Variants in MAL observed in about 807,000 individuals in gnomAD.
MAL encodes mal, T cell differentiation protein (MAL blood group).
In MAL, 5 loss-of-function variants were observed where a neutral mutation model predicts 16.7. The ratio of observed to expected loss-of-function variants is 0.30; its 90% CI spans 0.16 to 0.63. The LOEUF is 0.63. Among genes scored for constraint, MAL ranks in the 30% least tolerant of loss-of-function variants. MAL has a pLI of 0.82. For missense variants in MAL, 202 were observed against 195.8 expected (o/e 1.03, Z -0.19); for synonymous variants, 96 against 85.5 (o/e 1.12, Z -0.67).
intron 1 of MAL, among the ~76,000 whole-genome samples, chr2:95,045,813 C>T (rs756375960): frequency 5.3e-5 from 8 of 152,142 alleles, no homozygotes; most frequent in Admixed American, 2.0e-4. Flanking sequence ...CGTCAGTGCC[C>T]GTTATGGAAA....
At position 95,053,683 on chromosome 2, in the gene MAL, C is replaced by T; in HGVS notation, c.*228C>T. 1 of 557,890 alleles carries T rather than the reference C, an allele frequency of 1.8e-6. No homozygotes were observed. The highest frequency in any genetic ancestry group is 3.2e-6 in the Non-Finnish European group (1 of 312,650). 34.6% of individuals were successfully genotyped at this position (557,890 alleles called of 1,614,324 possible). Reference sequence around the variant, plus strand: ...GGAGCTTGCTGTGTCTAACCTCCAACTGCTGTGCTGTCTGCTAGGGTCACC... The same window carrying T: ...GGAGCTTGCTGTGTCTAACCTCCAATTGCTGTGCTGTCTGCTAGGGTCACC... On this transcript the variant is annotated 3_prime_UTR_variant, in exon 4 of 4. Coordinates refer to ENST00000309988, the MANE Select transcript of MAL (RefSeq NM_002371.4).
chr2:95,047,829 C>T, intron 1 of MAL, 130 bp from the exon 2 acceptor site: 1 of 846,006 alleles, frequency 1.2e-6, no homozygotes, highest in Non-Finnish European at 1.8e-6. Context: ...AGGAAAATGC[C>T]TGCCCTGTTC....
chr2:95,034,471 G>A (rs750214775), intron 1 of MAL, among the ~76,000 whole-genome samples: 3 of 152,206 alleles, frequency 2.0e-5, no homozygotes, highest in South Asian at 2.1e-4. Context: ...ACATCTGCCC[G>A]CAGGCGTAGG....
intron 1 of MAL, among the ~76,000 whole-genome samples, chr2:95,046,205 G>A (rs1239022764): frequency 5.9e-5 from 9 of 152,210 alleles, no homozygotes; most frequent in African/African-American, 2.2e-4. Context: ...AGGGAGGTGG[G>A]GGGGTCAAGG....
chr2:95,049,566 C>G lies in MAL; in HGVS notation c.262-15C>G. The G allele has an allele frequency of 6.2e-7, 1 of 1,614,002 alleles. No homozygotes were observed. The highest frequency in any genetic ancestry group is 8.5e-7 in the Non-Finnish European group (1 of 1,179,918). ...TCTCTCTCCCCATCCCTCTGACACC[C>G]CGTCTGCCCCATAGGACGCAGCCTA... On this transcript the variant is annotated splice_polypyrimidine_tract_variant and intron_variant, in intron 2 of 3. Coordinates refer to ENST00000309988, the MANE Select transcript of MAL (RefSeq NM_002371.4).
chr2:95,025,841 T>A lies in MAL; in HGVS notation c.49T>A (p.Ser17Thr). The A allele has an allele frequency of 6.3e-7, 1 of 1,578,954 alleles. No individual in the cohort carries two copies. The highest frequency in any genetic ancestry group is 8.6e-7 in the Non-Finnish European group (1 of 1,163,348). Residue 17 changes from serine to threonine, a missense_variant, in exon 1 of 4, where the codon TCG becomes ACG. Transcript: ENST00000309988. This position sits in a 1 kb window ranked among gnomAD's most constrained non-coding sequence, Gnocchi z 5.6. ...GGGCAGCACCCTGCCCAGTGGCTTC[T>A]CGGTCTTCACCACCTTGCCCGACTT... ...TGGSTLPSGF[S>T]VFTTLPDLLF...
chr2:95,051,190 C>G (rs541706406), intron 3 of MAL, among the ~76,000 whole-genome samples: 71 of 152,252 alleles, frequency 4.7e-4, no homozygotes, highest in African/African-American at 1.6e-3. Context: ...CCTCTTTTAC[C>G]TTTTATCAAA....
chr2:95,025,913 C>T lies in MAL; in HGVS notation c.93+28C>T, dbSNP rs2104320351. ...GAGTGGCTCCTGGCCGGGGAAGGGA[C>T]GGGGTGGGCTGAGCCGTGCGCTCTC... On this transcript the variant is annotated intron_variant, in intron 1 of 3. Coordinates refer to ENST00000309988, the MANE Select transcript of MAL (RefSeq NM_002371.4). This position sits in a 1 kb window ranked among gnomAD's most constrained non-coding sequence, Gnocchi z 5.6. 6.6e-7 allele frequency: 1 copy of T among 1,519,466 alleles called. No individual in the cohort carries two copies. The highest frequency in any genetic ancestry group is 2.1e-5 in the Admixed American group (1 of 48,550). The allele number at this position is 1,519,466 out of a possible 1,614,324, so 94.1% of individuals were successfully genotyped here.
intron 2 of MAL, among the ~76,000 whole-genome samples, chr2:95,049,013 C>T (rs1446756377): frequency 6.6e-6 from 1 of 152,068 alleles, no homozygotes; most frequent in Non-Finnish European, 1.5e-5. Flanking sequence ...AAATGGGGAT[C>T]TAACTATGTT....
intron 1 of MAL, among the ~76,000 whole-genome samples, chr2:95,035,553 G>C (rs1163784755): frequency 6.6e-6 from 1 of 152,184 alleles, no homozygotes; most frequent in Non-Finnish European, 1.5e-5. Flanking sequence ...CGTGTGCTAT[G>C]GGAGAGGCTT....
At chr2:95,048,710 G>T (rs1178969989) in intron 2 of MAL, among the ~76,000 whole-genome samples, 6 of 152,242 alleles carry the variant, frequency 3.9e-5, no homozygotes, top group African/African-American at 1.4e-4. Flanking sequence ...GGGTGGTGGG[G>T]CCATTTGGCC....
At chr2:95,040,398 TAC>T (rs146321369) in intron 1 of MAL, among the ~76,000 whole-genome samples, 3 of 150,852 alleles carry the variant, frequency 2.0e-5, no homozygotes, top group Admixed American at 6.6e-5. Context: ...AGCATACATG[TAC>T]ACACACACAC....
chr2:95,031,569 G>A (rs1219390896), intron 1 of MAL, among the ~76,000 whole-genome samples: 1 of 152,212 alleles, frequency 6.6e-6, no homozygotes, highest in Non-Finnish European at 1.5e-5. Context: ...GAGAGGCTGG[G>A]GCAAGCAGCC....
chr2:95,032,552 G>A (rs1474869246), intron 1 of MAL, among the ~76,000 whole-genome samples: 1 of 152,232 alleles, frequency 6.6e-6, no homozygotes, highest in Non-Finnish European at 1.5e-5. Flanking sequence ...TCCTGGTGTT[G>A]ATGGGTGTGA....
chr2:95,025,942 G>A lies in MAL; in HGVS notation c.93+57G>A. ...GTGGGCTGAGCCGTGCGCTCTCTCG[G>A]GCGCCCAGCACAGCTGTCGGACGGG... On this transcript the variant is annotated intron_variant, in intron 1 of 3. Coordinates refer to ENST00000309988, the MANE Select transcript of MAL (RefSeq NM_002371.4). This position sits in a 1 kb window ranked among gnomAD's most constrained non-coding sequence, Gnocchi z 5.6. 1 of 1,430,712 alleles carries A rather than the reference G, an allele frequency of 7.0e-7. No homozygotes were observed. The highest frequency in any genetic ancestry group is 1.3e-5 in the South Asian group (1 of 75,808). 88.6% of individuals were successfully genotyped at this position (1,430,712 alleles called of 1,614,324 possible). A position where few individuals can be genotyped will look rare whatever the true frequency, so the allele number is the denominator to read the frequency against.
intron 2 of MAL, 47 bp downstream of exon 2, chr2:95,048,173 G>A (rs761387881): frequency 5.8e-6 from 9 of 1,542,092 alleles, no homozygotes; most frequent in Non-Finnish European, 8.1e-6. Context: ...GGCGCAGGAA[G>A]TACTGGTCCC....
rs1191688416 is a variant in MAL, at chr2:95,053,454, A to G, written c.461A>G (p.Ter154=). The change falls in exon 4 of 4, where the codon TAA becomes TGA. Residue 154 remains the stop codon, a stop_retained_variant. Coordinates refer to ENST00000309988, the MANE Select transcript of MAL (RefSeq NM_002371.4). ...VFSLIRWKSS[*] ...TCTTTAATCAGATGGAAGTCTTCATAAAGCCGCAGTAGAACTTGAGCTGAA... is the reference window on the plus strand; with the variant it reads ...TCTTTAATCAGATGGAAGTCTTCATGAAGCCGCAGTAGAACTTGAGCTGAA... The G allele has an allele frequency of 6.2e-7, 1 of 1,611,510 alleles. No individual in the cohort carries two copies. The highest frequency in any genetic ancestry group is 1.3e-5 in the African/African-American group (1 of 74,872).
chr2:95,053,310 G>A, intron 3 of MAL, 71 bp from the exon 4 acceptor site: 1 of 1,043,966 alleles, frequency 9.6e-7, no homozygotes, highest in Admixed American at 1.7e-5. Context: ...ACGTGGGGCT[G>A]GATGCAGTGC....
chr2:95,025,992 G>A lies in MAL; in HGVS notation c.93+107G>A, dbSNP rs2104320513. The A allele has an allele frequency of 2.0e-6, 2 of 984,882 alleles. No homozygotes were observed. Among genetic ancestry groups the A allele is most frequent in the East Asian group, 3.0e-5 (1 of 33,872 alleles). The allele number at this position is 984,882 out of a possible 1,614,324, so 61.0% of individuals were successfully genotyped here. A position where few individuals can be genotyped will look rare whatever the true frequency, so the allele number is the denominator to read the frequency against. On this transcript the variant is annotated intron_variant, in intron 1 of 3. Coordinates refer to ENST00000309988, the MANE Select transcript of MAL (RefSeq NM_002371.4). This position sits in a 1 kb window ranked among gnomAD's most constrained non-coding sequence, Gnocchi z 5.6. ...GATCCGCTAGCTGCGCAGGTTCTGG[G>A]AGCATCGGGGCAGCAGGCGCAGGGC...
Sources: allele counts gnomAD v4.1 joint callset (sites outside exome capture counted in the v4.1 genomes callset), GRCh38; gene constraint gnomAD v4.1.1; non-coding constraint Gnocchi (gnomAD v3.1); transcripts MANE v1.5; gene names NCBI Gene and HGNC (gene_info 2026-07-23, HGNC 2026-07-21).